The following ATP10B variants were observed in gnomAD, a reference collection of about 807,000 sequenced individuals.
The protein encoded by ATP10B is ATPase phospholipid transporting 10B (putative), also known as phospholipid-transporting ATPase VB.
A neutral mutation model predicts 141.2 loss-of-function variants in ATP10B; 122 were observed. That is an observed-to-expected ratio of 0.86 (90% CI 0.75 to 1.00). ATP10B has a LOEUF of 1.00. ATP10B is among the 50% of genes least tolerant of loss of function. The pLI is 0.00. For missense variants in ATP10B, 1,876 were observed against 1,825.3 expected (o/e 1.03, Z -0.51); for synonymous variants, 685 against 692.0 (o/e 0.99, Z 0.16).
At chr5:160,684,810 A>G in intron 6 of ATP10B, 2 of 663,648 alleles carry the variant, frequency 3.0e-6, no homozygotes, top group Non-Finnish European at 5.5e-6. Context: ...TGGGCCCAAG[A>G]CTTCCCCAGA....
intron 5 of ATP10B, 55 bp from the exon 6 acceptor site, chr5:160,686,328 C>T: frequency 1.5e-6 from 2 of 1,324,256 alleles, no homozygotes; most frequent in South Asian, 1.8e-5. Context: ...AATGTACTTT[C>T]TCCCCCATTT....
rs1757434640 is a variant in ATP10B at position 160,607,054 on chromosome 5, C to T, written c.2871G>A (p.Leu957=). ...GTTCACGAAATTGCTTTAGCTCTTC[C>T]AATGCACAATTGAGGATGGATTCAC... ...ETCESILNCA[L]EELKQFRELQ... Residue 957 remains leucine, a synonymous_variant, in exon 19 of 26, where the codon TTG becomes TTA. Transcript: ENST00000327245. The T allele has an allele frequency of 6.2e-7, 1 of 1,613,854 alleles. No individual in the cohort carries two copies. The highest frequency in any genetic ancestry group is 1.3e-5 in the African/African-American group (1 of 74,872).
At chr5:160,686,321 G>A (rs752940585) in intron 5 of ATP10B, 48 bp from the exon 6 acceptor site, 15 of 1,357,910 alleles carry the variant, frequency 1.1e-5, no homozygotes, top group African/African-American at 1.0e-4. Flanking sequence ...GAAGAAAAAT[G>A]TACTTTCTCC....
chr5:160,717,785 G>T (rs1765749699), intron 2 of ATP10B, among the ~76,000 whole-genome samples: 1 of 152,114 alleles, frequency 6.6e-6, no homozygotes, highest in Non-Finnish European at 1.5e-5. Context: ...TTCAGAACTG[G>T]GGCCCAAATC....
chr5:160,567,708 T>G (rs1754628728), intron 25 of ATP10B, among the ~76,000 whole-genome samples: 1 of 152,014 alleles, frequency 6.6e-6, no homozygotes. Flanking sequence ...GAATATGTCC[T>G]AGGAGGAGTT....
intron 6 of ATP10B, among the ~76,000 whole-genome samples, chr5:160,681,609 C>T (rs1335407295): frequency 6.6e-6 from 1 of 152,188 alleles, no homozygotes; most frequent in Non-Finnish European, 1.5e-5. Context: ...GACCCCTGCC[C>T]CCACTGCCCA....
chr5:160,921,822 C>T, the ATP10B span, among the ~76,000 whole-genome samples: 4 of 152,224 alleles, frequency 2.6e-5, no homozygotes, highest in African/African-American at 9.6e-5. Flanking sequence ...TACCTTCACT[C>T]GCAGGAGAGC....
Position 160,832,943 on chromosome 5 carries a change from AGTCACTC to A in ATP10B, c.-576+18991_-576+18997del, listed in dbSNP as rs140325817. On this transcript the variant is annotated intron_variant, in intron 1 of 25. Transcript: ENST00000327245. Reference sequence around the variant, plus strand: ...CAAATCTAGCCCAAAGTAAGTCTGCAGTCACTCGTCACTCTCCAACCCTTTTCATGGC... The same window carrying A: ...CAAATCTAGCCCAAAGTAAGTCTGCAGTCACTCTCCAACCCTTTTCATGGC... 6.0e-3 allele frequency among the ~76,000 whole-genome samples: 914 copies of A among 152,268 alleles called. 13 individuals are homozygous for A. The highest frequency in any genetic ancestry group is 0.021 in the African/African-American group (869 of 41,558).
At chr5:160,691,816 G>A (rs1254697548) in intron 3 of ATP10B, 3 of 152,246 alleles carry the variant, frequency 2.0e-5, no homozygotes, top group East Asian at 3.9e-4. Context: ...AGCCCTTGTA[G>A]CAAGCCTGAA....
chr5:160,690,599 G>T (rs1304179246), intron 3 of ATP10B, among the ~76,000 whole-genome samples: 1 of 151,886 alleles, frequency 6.6e-6, no homozygotes, highest in Non-Finnish European at 1.5e-5. Flanking sequence ...ACAAACATAT[G>T]AAAAAAAGGT....
chr5:160,628,548 A>G (rs749578998), intron 13 of ATP10B, among the ~76,000 whole-genome samples: 25 of 152,092 alleles, frequency 1.6e-4, no homozygotes, highest in South Asian at 4.2e-4. Context: ...CAGAGGTCCA[A>G]TGACACCTCC....
At chr5:160,649,039 C>G (rs1172612463) in intron 8 of ATP10B, 132 bp downstream of exon 8, 1 of 477,834 alleles carries the variant, frequency 2.1e-6, no homozygotes, top group Admixed American at 4.3e-5. Flanking sequence ...TTTCTCTAGT[C>G]CCTCTTTATC....
At chr5:160,846,870 A>G (rs1261039408) in intron 1 of ATP10B, among the ~76,000 whole-genome samples, 1 of 152,188 alleles carries the variant, frequency 6.6e-6, no homozygotes, top group African/African-American at 2.4e-5. Context: ...CTCTGGTATA[A>G]GTTCCTACAT....
intron 22 of ATP10B, among the ~76,000 whole-genome samples, chr5:160,597,065 A>C (rs1304013264): frequency 3.3e-5 from 5 of 152,196 alleles, no homozygotes; most frequent in African/African-American, 1.2e-4. Context: ...ATATGGAGCC[A>C]AAAAAGAGCC....
At chr5:160,644,113 CA>C in intron 9 of ATP10B, 24 bp downstream of exon 9, 1 of 1,599,190 alleles carries the variant, frequency 6.3e-7, no homozygotes, top group Non-Finnish European at 8.6e-7. Flanking sequence ...AAAATTCAGA[CA>C]AAAGAAACTA....
intron 1 of ATP10B, among the ~76,000 whole-genome samples, chr5:160,849,839 G>T (rs4320301): frequency 0.73 from 111,416 of 152,044 alleles, 42,472 homozygotes; most frequent in East Asian, 0.97. Context: ...AGAAGAAAAG[G>T]CTCCAGAAAC....
intron 2 of ATP10B, among the ~76,000 whole-genome samples, chr5:160,732,408 T>A (rs1215426413): frequency 6.6e-6 from 1 of 152,242 alleles, no homozygotes; most frequent in Non-Finnish European, 1.5e-5. Context: ...TCCTATGTTT[T>A]CTTCTAGTAG....
At chr5:160,834,058 C>T (rs1157369674) in intron 1 of ATP10B, among the ~76,000 whole-genome samples, 4 of 152,050 alleles carry the variant, frequency 2.6e-5, no homozygotes, top group Non-Finnish European at 5.9e-5. Flanking sequence ...TGCATGGTGG[C>T]TCATGCCTAT....
At chr5:160,909,200 A>C in the ATP10B span, among the ~76,000 whole-genome samples, 95 of 152,308 alleles carry the variant, frequency 6.2e-4, no homozygotes, top group Non-Finnish European at 1.2e-3. Context: ...ACTATGAGGA[A>C]GGATGCTCTT....
Sources: allele counts gnomAD v4.1 joint callset (sites outside exome capture counted in the v4.1 genomes callset), GRCh38; gene constraint gnomAD v4.1.1; transcripts MANE v1.5; gene names NCBI Gene and HGNC (gene_info 2026-07-23, HGNC 2026-07-21).